MORN3: variants seen among roughly 807,000 people sequenced by gnomAD.
The protein encoded by MORN3 is MORN repeat-containing protein 3.
A neutral mutation model predicts 34.7 loss-of-function variants in MORN3; 38 were observed. The observed-to-expected ratio is 1.10, with a 90% CI of 0.85 to 1.44. The LOEUF (loss-of-function observed/expected upper bound fraction) is 1.44. Among genes scored for constraint, MORN3 ranks in the 40% most tolerant of loss-of-function variants. The pLI is 0.00. For missense variants in MORN3, 311 were observed against 321.7 expected, an observed-to-expected ratio of 0.97 and a Z score of 0.25; for synonymous variants, 109 against 115.3, an observed-to-expected ratio of 0.95 and a Z score of 0.35.
At chr12:121,651,942 TTG>T (rs1394487250) in intron 5 of MORN3, among the ~76,000 whole-genome samples, 7 of 146,250 alleles carry the variant, frequency 4.8e-5, no homozygotes, top group African/African-American at 1.9e-4. Context: ...GTTTGTTTAT[TTG>T]TTTGTTTGTT....
rs373497274 is a variant in MORN3 at position 121,658,045 on chromosome 12, T to C, written c.303+1146A>G. On this transcript the variant is annotated intron_variant, in intron 2 of 5. Coordinates refer to ENST00000355329, the MANE Select transcript of MORN3 (RefSeq NM_173855.5). The stretch of plus-strand genomic sequence containing the variant: ...ATCTCTGACCAATCAGCACTCCTGG[T>C]TCACTGTCTTTCCCCCACCCACCAA... Among the ~76,000 whole-genome samples the C allele has an allele frequency of 2.6e-5, 4 of 151,762 alleles. No individual in the cohort carries two copies. In the South Asian group the frequency reaches 8.4e-4, roughly 32 times the overall value.
chr12:121,671,190 G>A (rs1454432265), upstream of MORN3, among the ~76,000 whole-genome samples: 1 of 150,422 alleles, frequency 6.6e-6, no homozygotes, highest in Non-Finnish European at 1.5e-5. Flanking sequence ...GGTGGATCAC[G>A]AGGTCAGGAG....
upstream of MORN3, among the ~76,000 whole-genome samples, chr12:121,672,088 C>T (rs1414234207): frequency 6.6e-6 from 1 of 152,062 alleles, no homozygotes; most frequent in African/African-American, 2.4e-5. Context: ...GGTTCTACTC[C>T]GGAGGAGGCT....
At chr12:121,655,013 C>T (rs1390898201) in intron 2 of MORN3, among the ~76,000 whole-genome samples, 1 of 152,072 alleles carries the variant, frequency 6.6e-6, no homozygotes, top group African/African-American at 2.4e-5. Flanking sequence ...TCTCTCATCC[C>T]CACCACACCA....
At chr12:121,669,659 T>G (rs77352605), upstream of MORN3, 2,731 of 852,140 alleles carry the variant, frequency 3.2e-3, 56 homozygotes, top group African/African-American at 0.043. Context: ...TGGACTGACC[T>G]TTGGTTGGCC....
At chr12:121,656,270 TTC>T (rs1893413372) in intron 2 of MORN3, among the ~76,000 whole-genome samples, 1 of 152,114 alleles carries the variant, frequency 6.6e-6, no homozygotes, top group Non-Finnish European at 1.5e-5. Flanking sequence ...TCCCTTTTTT[TTC>T]TTCCTGGCTA....
chr12:121,651,132 AT>A lies in MORN3; in HGVS notation c.*518del, dbSNP rs143574352. The A allele has an allele frequency of 6.6e-6, 1 of 151,524 alleles. No individual in the cohort carries two copies. The highest frequency in any genetic ancestry group is 1.5e-5 in the Non-Finnish European group (1 of 67,886). The allele number at this position is 151,524 out of a possible 1,614,324, so 9.4% of individuals were successfully genotyped here. On this transcript the variant is annotated 3_prime_UTR_variant, in exon 6 of 6. Transcript: ENST00000355329. ...CTTTTCCTTTCTTTTATATTTTAAAATTTTTTTTTGTAGAGTCAGGGTCTTG... is the reference window on the plus strand; with the variant it reads ...CTTTTCCTTTCTTTTATATTTTAAAATTTTTTTTGTAGAGTCAGGGTCTTG...
intron 1 of MORN3, among the ~76,000 whole-genome samples, chr12:121,661,855 G>A (rs562714113): frequency 1.3e-5 from 2 of 151,584 alleles, no homozygotes; most frequent in Non-Finnish European, 2.9e-5. Context: ...CAGCTTGGGC[G>A]ACAGAGTGAG....
chr12:121,658,565 CAAAAAAAAAAAA>C (rs62682762), intron 2 of MORN3, among the ~76,000 whole-genome samples: 2 of 68,808 alleles, frequency 2.9e-5, no homozygotes, highest in Non-Finnish European at 5.6e-5. Context: ...GACTCCCTCT[CAAAAAAAAAAAA>C]AAAAAAAAAA....
upstream of MORN3, chr12:121,669,663 G>T: frequency 2.4e-6 from 2 of 822,978 alleles, no homozygotes; most frequent in African/African-American, 1.7e-5. Context: ...CTGACCTTTG[G>T]TTGGCCCCTC....
intron 1 of MORN3, among the ~76,000 whole-genome samples, chr12:121,662,583 G>A (rs12229447): frequency 0.18 from 27,835 of 151,774 alleles, 2,837 homozygotes; most frequent in South Asian, 0.33. Context: ...GTGAAACCCC[G>A]TCTCTACTAA....
At chr12:121,671,275 C>T (rs1375129725), upstream of MORN3, among the ~76,000 whole-genome samples, 19 of 149,722 alleles carry the variant, frequency 1.3e-4, no homozygotes, top group Admixed American at 1.1e-3. Flanking sequence ...GGCGTGGTGG[C>T]GGGCGCCTGT....
chr12:121,670,523 G>T (rs371198890), upstream of MORN3, among the ~76,000 whole-genome samples: 2 of 152,278 alleles, frequency 1.3e-5, no homozygotes, highest in African/African-American at 4.8e-5. Context: ...ATTGAAAAAA[G>T]GAGGGCCAGG....
At chr12:121,651,918 G>T (rs1409268385) in intron 5 of MORN3, among the ~76,000 whole-genome samples, 1 of 151,358 alleles carries the variant, frequency 6.6e-6, no homozygotes, top group African/African-American at 2.4e-5. Context: ...GGTCTTCAGT[G>T]AAATGGTTTG....
chr12:121,661,950 G>A (rs1893598397), intron 1 of MORN3, among the ~76,000 whole-genome samples: 1 of 151,526 alleles, frequency 6.6e-6, no homozygotes, highest in Non-Finnish European at 1.5e-5. Flanking sequence ...GAAAGAAAAC[G>A]TGCCATTTGT....
chr12:121,666,156 C>T (rs1295511859), intron 1 of MORN3, among the ~76,000 whole-genome samples: 4 of 152,118 alleles, frequency 2.6e-5, no homozygotes, highest in Admixed American at 2.0e-4. Flanking sequence ...ATGGTGAATC[C>T]GTGTCTCACT....
intron 1 of MORN3, among the ~76,000 whole-genome samples, chr12:121,661,928 G>C (rs560149050): frequency 1.3e-5 from 2 of 151,568 alleles, no homozygotes; most frequent in Non-Finnish European, 2.9e-5. Context: ...AGGAAGGAAG[G>C]AAGGGAAGAA....
chr12:121,668,014 C>T (rs560334019), intron 1 of MORN3, among the ~76,000 whole-genome samples: 18 of 152,064 alleles, frequency 1.2e-4, no homozygotes, highest in African/African-American at 3.9e-4. Flanking sequence ...TGATCCACCA[C>T]GCCCAGCCCC....
chr12:121,657,148 CTTATAG>C (rs1476754056), intron 2 of MORN3, among the ~76,000 whole-genome samples: 2 of 152,162 alleles, frequency 1.3e-5, no homozygotes, highest in Admixed American at 1.3e-4. Context: ...TTGGGAGAAA[CTTATAG>C]TTTATAGTTT....
Sources: allele counts gnomAD v4.1 joint callset (sites outside exome capture counted in the v4.1 genomes callset), GRCh38; gene constraint gnomAD v4.1.1; transcripts MANE v1.5; gene names NCBI Gene and HGNC (gene_info 2026-07-23, HGNC 2026-07-21).